Variants in EPHB2 observed in about 807,000 individuals in gnomAD.
EPHB2 encodes the protein EPH receptor B2, also known as ephrin type-B receptor 2.
A neutral mutation model predicts 96.4 loss-of-function variants in EPHB2; 18 were observed. The observed-to-expected ratio is 0.19, with a 90% confidence interval of 0.13 to 0.28. EPHB2 has a LOEUF of 0.28. EPHB2 is among the 10% of genes least tolerant of loss of function. The probability of loss-of-function intolerance (pLI) is 1.00; values close to 1 mark genes in which losing one functional copy is unlikely to be tolerated. For synonymous variants in EPHB2, 506 were observed against 534.1 expected, an observed-to-expected ratio of 0.95 and a Z score of 0.72; for missense variants, 989 against 1,355.4, an observed-to-expected ratio of 0.73 and a Z score of 4.25.
chr1:22,909,317 C>A, intron 13 of EPHB2, 146 bp downstream of exon 13: 1 of 1,302,778 alleles, frequency 7.7e-7, no homozygotes, highest in Non-Finnish European at 1.1e-6. Context: ...CAGCTGCCAG[C>A]CCAATGGTGG....
At chr1:22,712,646 G>A (rs534815451) in intron 1 of EPHB2, among the ~76,000 whole-genome samples, 130 of 152,306 alleles carry the variant, frequency 8.5e-4, no homozygotes, top group African/African-American at 3.1e-3. Flanking sequence ...TCGGCTCCTG[G>A]GGGATTTGGC....
At chr1:22,821,145 G>A (rs77802653) in intron 3 of EPHB2, among the ~76,000 whole-genome samples, 115 of 152,338 alleles carry the variant, frequency 7.5e-4, no homozygotes, top group African/African-American at 2.7e-3. Flanking sequence ...CAGCCAGGAG[G>A]AAAGAGGAAG....
intron 3 of EPHB2, among the ~76,000 whole-genome samples, chr1:22,812,448 C>T (rs1288234286): frequency 6.6e-6 from 1 of 152,092 alleles, no homozygotes; most frequent in African/African-American, 2.4e-5. Context: ...CCCTTGGAAA[C>T]CACAGCAGGA....
At chr1:22,760,559 A>G (rs1644221616) in intron 1 of EPHB2, among the ~76,000 whole-genome samples, 1 of 152,222 alleles carries the variant, frequency 6.6e-6, no homozygotes. Context: ...CCCAAAGCTG[A>G]AAAGCTGAGC....
intron 5 of EPHB2, among the ~76,000 whole-genome samples, chr1:22,876,326 G>A (rs2148542149): frequency 6.6e-6 from 1 of 152,258 alleles, no homozygotes; most frequent in African/African-American, 2.4e-5. Context: ...CAGGCTGCTG[G>A]CTTCCTGTCC....
chr1:22,845,149 C>T (rs139963647), intron 3 of EPHB2, among the ~76,000 whole-genome samples: 1 of 152,186 alleles, frequency 6.6e-6, no homozygotes, highest in Non-Finnish European at 1.5e-5. Flanking sequence ...GTGTCCAGCT[C>T]AATTTAGATC....
intron 9 of EPHB2, among the ~76,000 whole-genome samples, chr1:22,896,758 C>T (rs1436195091): frequency 6.6e-6 from 1 of 152,150 alleles, no homozygotes; most frequent in Non-Finnish European, 1.5e-5. Flanking sequence ...CCGACCCCAC[C>T]CCATCCTGGG....
chr1:22,781,977 T>A (rs987353680), intron 2 of EPHB2, among the ~76,000 whole-genome samples: 6 of 152,200 alleles, frequency 3.9e-5, no homozygotes, highest in Non-Finnish European at 5.9e-5. Context: ...TATTCAGGAC[T>A]ATGACTGAGC....
chr1:22,765,687 G>T (rs1423291645), intron 1 of EPHB2, among the ~76,000 whole-genome samples: 2 of 151,966 alleles, frequency 1.3e-5, no homozygotes, highest in Non-Finnish European at 1.5e-5. Context: ...CCCACACATT[G>T]CTACCTCACC....
At chr1:22,722,274 G>T (rs1570151141) in intron 1 of EPHB2, among the ~76,000 whole-genome samples, 1 of 152,112 alleles carries the variant, frequency 6.6e-6, no homozygotes, top group Non-Finnish European at 1.5e-5. Context: ...TGGGATTACA[G>T]ACGTGAGCCA....
chr1:22,774,068 G>A (rs954062571), intron 1 of EPHB2, among the ~76,000 whole-genome samples: 6 of 152,294 alleles, frequency 3.9e-5, no homozygotes, highest in Admixed American at 2.0e-4. Flanking sequence ...CTTCCCCGAT[G>A]TCTTACACTT....
intron 3 of EPHB2, among the ~76,000 whole-genome samples, chr1:22,856,694 T>C (rs984092354): frequency 6.6e-6 from 1 of 152,278 alleles, no homozygotes; most frequent in Admixed American, 6.5e-5. Flanking sequence ...CTCAGTTTCC[T>C]TATCTGTAAA....
At position 22,850,455 on chromosome 1, in the gene EPHB2, CGGT is replaced by C. The variant is rs751414555; in HGVS notation, c.812-12579_812-12577del. 5.3e-4 allele frequency among the ~76,000 whole-genome samples: 80 copies of C among 152,320 alleles called. No homozygotes were observed. In the Middle Eastern group the frequency reaches 0.017, roughly 32 times the overall value. ...GGACTGGGCCTGCCAGGCCTTACCT[CGGT>C]GGCCCACTACACCACCTGTCAATAC... On this transcript the variant is annotated intron_variant, in intron 3 of 15. Transcript: ENST00000374630.
At chr1:22,801,810 C>G (rs1644847226) in intron 3 of EPHB2, among the ~76,000 whole-genome samples, 1 of 152,210 alleles carries the variant, frequency 6.6e-6, no homozygotes, top group Non-Finnish European at 1.5e-5. Context: ...CTTTGTGGCC[C>G]AGGAAGAATG....
At chr1:22,849,939 C>T (rs1320620219) in intron 3 of EPHB2, among the ~76,000 whole-genome samples, 2 of 151,860 alleles carry the variant, frequency 1.3e-5, no homozygotes, top group Admixed American at 1.3e-4. Context: ...GCAGCTGCAT[C>T]CCCGGGGGGT....
chr1:22,784,811 C>T lies in EPHB2; in HGVS notation c.546C>T (p.Gly182=), dbSNP rs377706540. Residue 182 remains glycine, a synonymous_variant, in exon 3 of 16, where the codon GGC becomes GGT. Transcript: ENST00000374630. The surrounding 1 kb of genome is among the most constrained non-coding windows in gnomAD (Gnocchi z 5.1). ...TCTACCTGGCCTTCCAGGACTATGG[C>T]GGCTGCATGTCCCTCATCGCCGTGC... ...SGFYLAFQDY[G]GCMSLIAVRV... 4.6e-5 allele frequency: 73 copies of T among 1,602,068 alleles called. No individual in the cohort carries two copies. The highest frequency in any genetic ancestry group is 3.1e-4 in the South Asian group (28 of 89,520).
intron 3 of EPHB2, among the ~76,000 whole-genome samples, chr1:22,848,498 CA>C (rs1252983992): frequency 2.0e-5 from 3 of 152,214 alleles, no homozygotes; most frequent in Non-Finnish European, 4.4e-5. Flanking sequence ...AGCCTACAAT[CA>C]CATTGGCTTT....
At chr1:22,777,686 C>T (rs554917442) in intron 1 of EPHB2, among the ~76,000 whole-genome samples, 6 of 152,272 alleles carry the variant, frequency 3.9e-5, no homozygotes, top group South Asian at 2.1e-4. Flanking sequence ...GCTGTAGCCA[C>T]GGAGCAAGAG....
At chr1:22,837,380 G>T (rs1018441924) in intron 3 of EPHB2, among the ~76,000 whole-genome samples, 2 of 152,116 alleles carry the variant, frequency 1.3e-5, no homozygotes, top group Non-Finnish European at 2.9e-5. Context: ...GCTGCTGTGC[G>T]GGGTGGGGAG....
Sources: allele counts gnomAD v4.1 joint callset (sites outside exome capture counted in the v4.1 genomes callset), GRCh38; gene constraint gnomAD v4.1.1; non-coding constraint Gnocchi (gnomAD v3.1); transcripts MANE v1.5; gene names NCBI Gene and HGNC (gene_info 2026-07-23, HGNC 2026-07-21).